Variants in DCTN2 observed in about 807,000 individuals in gnomAD.
The protein encoded by DCTN2 is dynactin subunit 2, also known as 50 kDa dynein-associated polypeptide.
A neutral mutation model predicts 55.4 loss-of-function variants in DCTN2; 18 were observed. The observed-to-expected ratio is 0.32, with a 90% CI of 0.22 to 0.48. DCTN2 has a LOEUF of 0.48. Ranked by LOEUF, DCTN2 falls within the 20% of genes least tolerant of loss-of-function variation. The pLI is 0.99. For missense variants in DCTN2, 390 were observed against 491.0 expected (o/e 0.79, Z 1.94); for synonymous variants, 168 against 185.2 (o/e 0.91, Z 0.76).
At chr12:57,532,411 T>C in intron 11 of DCTN2, 96 bp from the exon 12 acceptor site, 1 of 1,356,238 alleles carries the variant, frequency 7.4e-7, no homozygotes, top group East Asian at 2.4e-5. Flanking sequence ...AAGGATCAAG[T>C]GGGCAGAGGG....
chr12:57,532,684 T>C, intron 10 of DCTN2, 41 bp from the exon 11 acceptor site: 1 of 1,613,746 alleles, frequency 6.2e-7, no homozygotes, highest in Non-Finnish European at 8.5e-7. Flanking sequence ...CATCCAGGGC[T>C]TCCAGAGTCC....
Position 57,532,307 on chromosome 12 carries a change from C to G in DCTN2, c.933G>C (p.Gln311His). Residue 311 changes from glutamine (Q) to histidine (H), a missense_variant, in exon 12 of 14, where the codon CAG becomes CAC. Physicochemically the swap from Gln to His is conservative, Grantham distance 24. Transcript: ENST00000548249. ...TCCAGCGCTGTATAGTTTCATATAGCTGGTGCACCTGAAGGGACACAATGG... is the reference window on the plus strand; with the variant it reads ...TCCAGCGCTGTATAGTTTCATATAGGTGGTGCACCTGAAGGGACACAATGG... The part of the protein sequence containing the change: ...EDADTQSKVH[Q>H]LYETIQRWSP... 6.4e-7 allele frequency: 1 copy of G among 1,559,078 alleles called. No homozygotes were observed. Among genetic ancestry groups the G allele is most frequent in the Non-Finnish European group, 8.7e-7 (1 of 1,150,916 alleles).
Position 57,530,386 on chromosome 12 carries a change from C to T in DCTN2, c.*303G>A. 1 of 324,540 alleles carries T rather than the reference C, an allele frequency of 3.1e-6. No homozygotes were observed. The highest frequency in any genetic ancestry group is 5.8e-6 in the Non-Finnish European group (1 of 172,668). 20.1% of individuals were successfully genotyped at this position (324,540 alleles called of 1,614,324 possible). On this transcript the variant is annotated 3_prime_UTR_variant, in exon 14 of 14. Coordinates refer to ENST00000548249, the MANE Select transcript of DCTN2 (RefSeq NM_001261413.2). ...CAGCCACAGAAGCTGTGTTGGGGGA[C>T]AAGACCCAATCCTTCCCCACACCAG...
Position 57,532,864 on chromosome 12 carries a change from AGGCCTCC to A in DCTN2, c.775-61_775-55del, listed in dbSNP as rs1879869015. The A allele has an allele frequency of 2.5e-6, 4 of 1,608,022 alleles. No homozygotes were observed. The Admixed American group carries it at 5.0e-5, about 20-fold the overall frequency. ...TGAAGAGGAAAGGCAGACTAGCAAG[AGGCCTCC>A]CATATTCCACTAAATTAATATATAG... On this transcript the variant is annotated intron_variant, in intron 9 of 13. Coordinates refer to ENST00000548249, the MANE Select transcript of DCTN2 (RefSeq NM_001261413.2).
intron 2 of DCTN2, among the ~76,000 whole-genome samples, chr12:57,537,955 A>G (rs1195349870): frequency 1.3e-5 from 2 of 152,180 alleles, no homozygotes; most frequent in East Asian, 1.9e-4. Context: ...GAAAGCCCCA[A>G]TCCAGGCCAA....
chr12:57,530,664 C>CCTGT lies in DCTN2; in HGVS notation c.*21_*24dup. The CCTGT allele has an allele frequency of 1.9e-6, 3 of 1,595,922 alleles. No individual in the cohort carries two copies. The highest frequency in any genetic ancestry group is 2.6e-6 in the Non-Finnish European group (3 of 1,164,280). ...AGAGTTCACAGGGGTAGGGATAACCCCTGTTCTCCAGCTCCCAAATGTGCT... is the reference window on the plus strand; with the variant it reads ...AGAGTTCACAGGGGTAGGGATAACCCCTGTCTGTTCTCCAGCTCCCAAATGTGCT... On this transcript the variant is annotated 3_prime_UTR_variant, in exon 14 of 14. Coordinates refer to ENST00000548249, the MANE Select transcript of DCTN2 (RefSeq NM_001261413.2).
Position 57,547,132 on chromosome 12 carries a change from A to C in DCTN2, c.-69T>G, listed in dbSNP as rs1881246011. 8.1e-7 allele frequency: 1 copy of C among 1,227,528 alleles called. No homozygotes were observed. Among genetic ancestry groups the C allele is most frequent in the Non-Finnish European group, 1.0e-6 (1 of 968,874 alleles). 76.0% of individuals were successfully genotyped at this position (1,227,528 alleles called of 1,614,324 possible). On this transcript the variant is annotated 5_prime_UTR_variant, in exon 1 of 14. Coordinates refer to ENST00000548249, the MANE Select transcript of DCTN2 (RefSeq NM_001261413.2). The stretch of plus-strand genomic sequence containing the variant: ...CGGGGCCGGTGTTCGGGTAGGGGAG[A>C]GGCTGGGTTCGGGTCCCGGGCTAAG...
rs1315316427 is a variant in DCTN2, at chr12:57,534,096, G to A, written c.526C>T (p.Arg176Cys). ...GTTGCTTCCAGCTGCAGTAGTAGGCGCCTAGTTAGGAGACCGAGTAATAAT... is the reference window on the plus strand; with the variant it reads ...GTTGCTTCCAGCTGCAGTAGTAGGCACCTAGTTAGGAGACCGAGTAATAAT... ...LTDPDGALAK[R>C]LLLQLEATKN... Residue 176 changes from arginine (R) to cysteine (C), a missense_variant and splice_region_variant, in exon 7 of 14, where the codon CGC (arginine) becomes TGC (cysteine). Physicochemically the swap from Arg to Cys is radical, Grantham distance 180. This residue lies in a region of DCTN2 where 273 missense variants were observed against 303.2 expected (regional missense o/e 0.90). Transcript: ENST00000548249. 5.7e-6 allele frequency: 9 copies of A among 1,592,548 alleles called. No individual in the cohort carries two copies. Among genetic ancestry groups the A allele is most frequent in the South Asian group, 2.3e-5 (2 of 87,970 alleles).
intron 2 of DCTN2, among the ~76,000 whole-genome samples, chr12:57,544,410 G>C (rs953756001): frequency 5.6e-5 from 8 of 143,450 alleles, no homozygotes; most frequent in African/African-American, 2.1e-4. Flanking sequence ...TTTTTTTATT[G>C]TTGTACTGGT....
intron 4 of DCTN2, 102 bp downstream of exon 4, chr12:57,535,371 CAGGAACAGAGG>C: frequency 1.4e-6 from 2 of 1,392,568 alleles, no homozygotes; most frequent in South Asian, 1.2e-5. Flanking sequence ...GCTGCTTCCT[CAGGAACAGAGG>C]AGGAACAGAA....
rs1179513191 is a variant in DCTN2 at position 57,535,124 on chromosome 12, G to A, written c.295C>T (p.Pro99Ser). ...AGTAGGCGCTGGTACTTTTGCTGGG[G>A]TGTCTCCTTCACTCCCAGACCCTCT... The part of the protein sequence containing the change: ...LGEGLGVKET[P>S]QQKYQRLLHE... The change falls in exon 5 of 14, where the codon CCC (proline) becomes TCC (serine). Residue 99 changes from proline (P) to serine (S), a missense_variant. By Grantham distance (74) the Pro-to-Ser change is moderately conservative. Transcript: ENST00000548249. The A allele has an allele frequency of 1.2e-6, 2 of 1,613,710 alleles. No homozygotes were observed. The highest frequency in any genetic ancestry group is 1.7e-6 in the Non-Finnish European group (2 of 1,179,844).
intron 1 of DCTN2, 46 bp downstream of exon 1, chr12:57,546,981 AG>A (rs1039712630): frequency 7.9e-7 from 1 of 1,258,446 alleles, no homozygotes; most frequent in African/African-American, 1.6e-5. Context: ...GGTCCTTGGG[AG>A]GTCGGGGGCG....
intron 2 of DCTN2, among the ~76,000 whole-genome samples, chr12:57,545,481 C>T (rs1881075961): frequency 6.6e-6 from 1 of 152,190 alleles, no homozygotes; most frequent in Non-Finnish European, 1.5e-5. Context: ...TTACTCCATC[C>T]TCAGAATTCT....
intron 8 of DCTN2, 104 bp from the exon 9 acceptor site, chr12:57,533,126 T>C: frequency 6.4e-7 from 1 of 1,562,304 alleles, no homozygotes; most frequent in Non-Finnish European, 8.8e-7. Flanking sequence ...AGCTGATCCC[T>C]GTAACTGAAG....
rs1183547767 is a variant in DCTN2 at position 57,532,405 on chromosome 12, A to G, written c.925-90T>C. The G allele has an allele frequency of 2.9e-6, 4 of 1,371,448 alleles. No homozygotes were observed. In the East Asian group the frequency reaches 9.6e-5, roughly 33 times the overall value. The allele number at this position is 1,371,448 out of a possible 1,614,324, so 85.0% of individuals were successfully genotyped here. ...CTATTTCACCGTAATGGGGGAAAGG[A>G]TCAAGTGGGCAGAGGGAAGCAGTGC... On this transcript the variant is annotated intron_variant, in intron 11 of 13. Coordinates refer to ENST00000548249, the MANE Select transcript of DCTN2 (RefSeq NM_001261413.2).
rs1879992931 is a variant in DCTN2 at position 57,534,004 on chromosome 12, A to T, written c.618T>A (p.Thr206=). The T allele has an allele frequency of 6.2e-7, 1 of 1,613,708 alleles. No homozygotes were observed. The highest frequency in any genetic ancestry group is 1.3e-5 in the African/African-American group (1 of 75,026). The part of the protein sequence containing the change: ...TGTPPDSSLV[T]YELHSRPEQD... ...GCTCAGGCCGAGAATGTAGTTCATA[A>T]GTGACAAGGCTGCTATCTGGGGGGG... The change falls in exon 7 of 14, where the codon ACT becomes ACA. Residue 206 remains threonine (T), a synonymous_variant. Coordinates refer to ENST00000548249, the MANE Select transcript of DCTN2 (RefSeq NM_001261413.2).
Position 57,532,055 on chromosome 12 carries a change from A to G in DCTN2, c.1079T>C (p.Ile360Thr), listed in dbSNP as rs780300768. Residue 360 changes from isoleucine (I) to threonine (T), a missense_variant, in exon 13 of 14, where the codon ATT becomes ACT. Coordinates refer to ENST00000548249, the MANE Select transcript of DCTN2 (RefSeq NM_001261413.2). ...LTHLDTTQQM[I>T]ANSLKDNTTL... ...GGTATTGTCCTTCAAGGAATTAGCA[A>G]TCATCTGCTGGGTGGTATCCAAGTG... is the stretch of plus-strand genomic sequence containing the variant. The G allele has an allele frequency of 7.7e-5, 120 of 1,566,526 alleles. No individual in the cohort carries two copies. The highest frequency in any genetic ancestry group is 1.0e-4 in the Non-Finnish European group (118 of 1,154,902).
intron 2 of DCTN2, among the ~76,000 whole-genome samples, chr12:57,539,191 C>A (rs1445792416): frequency 6.6e-6 from 1 of 152,230 alleles, no homozygotes; most frequent in Non-Finnish European, 1.5e-5. Context: ...CTAAGTATAG[C>A]CCCGTTCTCA....
At position 57,547,129 on chromosome 12, in the gene DCTN2, G is replaced by A; in HGVS notation, c.-66C>T. Reference sequence around the variant, plus strand: ...AGCCGGGGCCGGTGTTCGGGTAGGGGAGAGGCTGGGTTCGGGTCCCGGGCT... The same window carrying A: ...AGCCGGGGCCGGTGTTCGGGTAGGGAAGAGGCTGGGTTCGGGTCCCGGGCT... On this transcript the variant is annotated 5_prime_UTR_variant, in exon 1 of 14. Transcript: ENST00000548249. 1.6e-6 allele frequency: 2 copies of A among 1,231,482 alleles called. No individual in the cohort carries two copies. Among genetic ancestry groups the A allele is most frequent in the Non-Finnish European group, 2.1e-6 (2 of 971,336 alleles). 76.3% of individuals were successfully genotyped at this position (1,231,482 alleles called of 1,614,324 possible). A position where few individuals can be genotyped will look rare whatever the true frequency, so the allele number is the denominator to read the frequency against.
Sources: allele counts gnomAD v4.1 joint callset (sites outside exome capture counted in the v4.1 genomes callset), GRCh38; gene constraint gnomAD v4.1.1; regional missense constraint gnomAD v4.1.1; transcripts MANE v1.5; gene names NCBI Gene and HGNC (gene_info 2026-07-23, HGNC 2026-07-21).